NUP210: variants seen among roughly 807,000 people sequenced by gnomAD.
NUP210 encodes nucleoporin 210.
In NUP210, 151 loss-of-function variants were observed where a neutral mutation model predicts 196.0. That is an observed-to-expected ratio of 0.77 (90% CI 0.67 to 0.88). The LOEUF (loss-of-function observed/expected upper bound fraction) is 0.88. NUP210 is among the 40% of genes least tolerant of loss of function. NUP210 has a pLI of 0.00. For missense variants in NUP210, 2,314 were observed against 2,493.7 expected (o/e 0.93, Z 1.53); for synonymous variants, 1,070 against 1,052.7 (o/e 1.02, Z -0.32).
Position 13,378,605 on chromosome 3 carries a change from T to C in NUP210, c.1045+307A>G, listed in dbSNP as rs147134073. 4.6e-3 allele frequency among the ~76,000 whole-genome samples: 707 copies of C among 152,286 alleles called. 5 individuals are homozygous for C. Among genetic ancestry groups the C allele is most frequent in the Admixed American group, 0.012 (182 of 15,290 alleles). On this transcript the variant is annotated intron_variant, in intron 8 of 39. Coordinates refer to ENST00000254508, the MANE Select transcript of NUP210 (RefSeq NM_024923.4). ...CTGGGCCCCAACCTCTAAATGTCCATAGCAATGGTCAGGTCTGGGCAAAGC... is the reference window on the plus strand; with the variant it reads ...CTGGGCCCCAACCTCTAAATGTCCACAGCAATGGTCAGGTCTGGGCAAAGC...
intron 1 of NUP210, among the ~76,000 whole-genome samples, chr3:13,407,433 T>C (rs1576426501): frequency 6.6e-6 from 1 of 152,170 alleles, no homozygotes; most frequent in African/African-American, 2.4e-5. Flanking sequence ...GGCCTCCCAA[T>C]GATACCACCA....
Position 13,397,396 on chromosome 3 carries a change from A to T in NUP210, c.397T>A (p.Ser133Thr). 1 of 1,611,204 alleles carries T rather than the reference A, an allele frequency of 6.2e-7. No homozygotes were observed. Among genetic ancestry groups the T allele is most frequent in the Non-Finnish European group, 8.5e-7 (1 of 1,178,992 alleles). ...STTRELYLED[S>T]PLELKIQALD... ...GCCTGGATCTTCAGCTCCAGGGGGGAGTCCTCCAGGTAGAGCTCGCGGGTG... is the reference window on the plus strand; with the variant it reads ...GCCTGGATCTTCAGCTCCAGGGGGGTGTCCTCCAGGTAGAGCTCGCGGGTG... Residue 133 changes from serine (S) to threonine (T), a missense_variant, in exon 3 of 40, where the codon TCC becomes ACC. By Grantham distance (58) the Ser-to-Thr change is moderately conservative (BLOSUM62 1). Coordinates refer to ENST00000254508, the MANE Select transcript of NUP210 (RefSeq NM_024923.4).
chr3:13,341,896 G>A lies in NUP210; in HGVS notation c.3093-13C>T. 6.2e-7 allele frequency: 1 copy of A among 1,614,170 alleles called. No homozygotes were observed. Among genetic ancestry groups the A allele is most frequent in the Non-Finnish European group, 8.5e-7 (1 of 1,180,020 alleles). ...TTCATCAAGGGCCCTGAAACAGAGG[G>A]AAGGGCTGGGACTTCTCCAAGACCA... is the stretch of plus-strand genomic sequence containing the variant. On this transcript the variant is annotated splice_polypyrimidine_tract_variant and intron_variant, in intron 22 of 39. Transcript: ENST00000254508.
chr3:13,406,373 G>C (rs1327813453), intron 1 of NUP210, among the ~76,000 whole-genome samples: 1 of 152,182 alleles, frequency 6.6e-6, no homozygotes, highest in Non-Finnish European at 1.5e-5. Flanking sequence ...GAGGAACAGA[G>C]GAACCACTGG....
At chr3:13,411,296 C>CA (rs1700167959) in intron 1 of NUP210, among the ~76,000 whole-genome samples, 1 of 152,154 alleles carries the variant, frequency 6.6e-6, no homozygotes, top group South Asian at 2.1e-4. Context: ...AACCAACAAT[C>CA]ATCTGAGAAG....
At chr3:13,392,729 A>G (rs1180075280) in intron 3 of NUP210, among the ~76,000 whole-genome samples, 5 of 152,334 alleles carry the variant, frequency 3.3e-5, no homozygotes, top group South Asian at 2.1e-4. Flanking sequence ...TCTTCTGCAC[A>G]CTGAGCTGAA....
intron 5 of NUP210, 97 bp downstream of exon 5, chr3:13,388,206 T>A: frequency 1.2e-6 from 1 of 864,850 alleles, no homozygotes; most frequent in Middle Eastern, 3.6e-4. Context: ...CTTCCACTAT[T>A]CAACGTGCCT....
At chr3:13,371,470 T>C (rs1028352925) in intron 13 of NUP210, among the ~76,000 whole-genome samples, 3 of 152,190 alleles carry the variant, frequency 2.0e-5, no homozygotes, top group African/African-American at 7.2e-5. Context: ...GGGTGGGCCT[T>C]GCCTGTCACA....
In NUP210 at chr3:13,379,467, T is replaced by C; in HGVS notation, c.976+96A>G. The C allele has an allele frequency of 6.7e-7, 1 of 1,491,268 alleles. No individual in the cohort carries two copies. Among genetic ancestry groups the C allele is most frequent in the Non-Finnish European group, 9.3e-7 (1 of 1,076,478 alleles). 92.4% of individuals were successfully genotyped at this position (1,491,268 alleles called of 1,614,324 possible). ...TCAGACCGTTGAGGGGAAACGGCTATTTTTAGCCCTGCCGAGCTTTCAGGG... is the reference window on the plus strand; with the variant it reads ...TCAGACCGTTGAGGGGAAACGGCTACTTTTAGCCCTGCCGAGCTTTCAGGG... On this transcript the variant is annotated intron_variant, in intron 7 of 39. Transcript: ENST00000254508. The surrounding 1 kb of genome is among the most constrained non-coding windows in gnomAD (Gnocchi z 4.2).
At chr3:13,400,303 G>A (rs1699792830) in intron 1 of NUP210, among the ~76,000 whole-genome samples, 1 of 152,176 alleles carries the variant, frequency 6.6e-6, no homozygotes. Flanking sequence ...GCAGGCTCCA[G>A]GCATCAGCTT....
rs1332366472 is a variant in NUP210, at chr3:13,317,768, T to C, written c.5577A>G (p.Ser1859=). 6.2e-7 allele frequency: 1 copy of C among 1,609,764 alleles called. No individual in the cohort carries two copies. Among genetic ancestry groups the C allele is most frequent in the African/African-American group, 1.3e-5 (1 of 74,848 alleles). The change falls in exon 40 of 40, where the codon TCA becomes TCG. Residue 1859 remains serine, a synonymous_variant. Coordinates refer to ENST00000254508, the MANE Select transcript of NUP210 (RefSeq NM_024923.4). ...GCAATGCATTGGGAGATGTGGGTGA[T>C]GAGGCAGCGAAATCTAGGGTGGGAA... ...PGHSPHYFAA[S]SPTSPNALPP...
At chr3:13,367,503 C>T (rs528145701) in intron 13 of NUP210, among the ~76,000 whole-genome samples, 1 of 152,212 alleles carries the variant, frequency 6.6e-6, no homozygotes, top group African/African-American at 2.4e-5. Context: ...ACATACTGGA[C>T]CCACCCTATA....
chr3:13,370,354 C>T (rs1294045510), intron 13 of NUP210, among the ~76,000 whole-genome samples: 1 of 152,160 alleles, frequency 6.6e-6, no homozygotes, highest in Non-Finnish European at 1.5e-5. Flanking sequence ...CACTTGTAAC[C>T]ATCACAATAA....
intron 14 of NUP210, among the ~76,000 whole-genome samples, chr3:13,361,391 G>A (rs77193017): frequency 0.04 from 6,120 of 152,312 alleles, 192 homozygotes; most frequent in African/African-American, 0.078. Flanking sequence ...AGGGCAACCA[G>A]TGGTGCCCAG....
At chr3:13,377,901 C>T (rs2675211) in intron 8 of NUP210, among the ~76,000 whole-genome samples, 1 of 151,322 alleles carries the variant, frequency 6.6e-6, no homozygotes, top group Non-Finnish European at 1.5e-5. Flanking sequence ...CCCCACACCA[C>T]CCACCTGCAG....
Position 13,350,983 on chromosome 3 carries a change from C to A in NUP210, c.2835+896G>T, listed in dbSNP as rs928973047. Among the ~76,000 whole-genome samples the A allele has an allele frequency of 3.9e-5, 6 of 152,210 alleles. No homozygotes were observed. Among genetic ancestry groups the A allele is most frequent in the African/African-American group, 1.4e-4 (6 of 41,510 alleles). On this transcript the variant is annotated intron_variant, in intron 20 of 39. Transcript: ENST00000254508. This position sits in a 1 kb window ranked among gnomAD's most constrained non-coding sequence, Gnocchi z 4.1. ...AAAGTGCTGGGATTACAGGCATGAG[C>A]CACCGCACCCGGCCAGAAATTCTTA...
intron 13 of NUP210, among the ~76,000 whole-genome samples, chr3:13,366,516 CTTT>C (rs58529748): frequency 7.2e-5 from 8 of 110,812 alleles, no homozygotes; most frequent in Non-Finnish European, 9.2e-5. Context: ...TGATTTCTTT[CTTT>C]TTTTTTTTTT....
chr3:13,364,067 G>C (rs539298121), intron 14 of NUP210, among the ~76,000 whole-genome samples: 1 of 152,132 alleles, frequency 6.6e-6, no homozygotes, highest in South Asian at 2.1e-4. Context: ...GTTGGGATGT[G>C]GGGGCAGGTC....
intron 28 of NUP210, among the ~76,000 whole-genome samples, chr3:13,332,991 C>T (rs1697060894): frequency 6.6e-6 from 1 of 152,232 alleles, no homozygotes; most frequent in Admixed American, 6.5e-5. Flanking sequence ...ACAGAGACAT[C>T]CTGCTCCTCA....
Sources: allele counts gnomAD v4.1 joint callset (sites outside exome capture counted in the v4.1 genomes callset), GRCh38; gene constraint gnomAD v4.1.1; non-coding constraint Gnocchi (gnomAD v3.1); transcripts MANE v1.5; gene names NCBI Gene and HGNC (gene_info 2026-07-23, HGNC 2026-07-21).